The following RPTOR variants were observed in gnomAD, a reference collection of about 807,000 sequenced individuals.
RPTOR encodes the protein regulatory-associated protein of mTOR.
Under a neutral mutation model 169.9 loss-of-function variants are expected in RPTOR, and 21 were observed. The observed-to-expected ratio is 0.12, with a 90% confidence interval of 0.09 to 0.18. The LOEUF is 0.18. RPTOR is among the 10% of genes least tolerant of loss of function. The pLI is 1.00. For missense variants in RPTOR, 1,133 were observed against 1,855.9 expected (o/e 0.61, Z 7.16); for synonymous variants, 732 against 753.2 (o/e 0.97, Z 0.46).
At chr17:80,891,627 T>G in intron 17 of RPTOR, 93 bp from the exon 18 acceptor site, 2 of 870,878 alleles carry the variant, frequency 2.3e-6, no homozygotes, top group Non-Finnish European at 3.7e-6. Context: ...GTCTTAACCT[T>G]TCTTTTTTCT....
At chr17:80,954,401 C>G (rs1431928525) in intron 28 of RPTOR, among the ~76,000 whole-genome samples, 1 of 151,756 alleles carries the variant, frequency 6.6e-6, no homozygotes, top group Non-Finnish European at 1.5e-5. Flanking sequence ...GGATTACAGG[C>G]GTGAGCCACT....
intron 6 of RPTOR, 28 bp from the exon 7 acceptor site, chr17:80,791,422 C>A (rs1441431040): frequency 1.2e-6 from 2 of 1,608,384 alleles, no homozygotes; most frequent in East Asian, 4.5e-5. Flanking sequence ...TCCATTCATG[C>A]CGTTCACATT....
chr17:80,615,688 A>G (rs1215291810), intron 1 of RPTOR, among the ~76,000 whole-genome samples: 1 of 151,070 alleles, frequency 6.6e-6, no homozygotes, highest in African/African-American at 2.4e-5. Context: ...GTCCCATTCC[A>G]CTCTTGCCAC....
intron 1 of RPTOR, among the ~76,000 whole-genome samples, chr17:80,613,954 C>T (rs2065290495): frequency 1.3e-5 from 2 of 152,250 alleles, no homozygotes; most frequent in East Asian, 1.9e-4. Context: ...TGGATTCCTG[C>T]CCCAGATCTT....
intron 1 of RPTOR, among the ~76,000 whole-genome samples, chr17:80,596,906 G>A (rs1392089177): frequency 6.6e-6 from 1 of 152,178 alleles, no homozygotes; most frequent in Non-Finnish European, 1.5e-5. Context: ...TTTAGCAGCT[G>A]TTTTTAAGGC....
chr17:80,930,174 CCCAGCTCATCCCCAGCTCATG>C, intron 24 of RPTOR, among the ~76,000 whole-genome samples: 3 of 137,600 alleles, frequency 2.2e-5, no homozygotes, highest in Non-Finnish European at 4.8e-5. Context: ...CCAGCTCATG[CCCAGCTCATCCCCAGCTCATG>C]CCCAGCTCAT....
chr17:80,881,910 G>T (rs2068190162), intron 14 of RPTOR, among the ~76,000 whole-genome samples: 1 of 152,146 alleles, frequency 6.6e-6, no homozygotes, highest in African/African-American at 2.4e-5. Flanking sequence ...CCATTGTTTT[G>T]TTTCTTCAGT....
intron 3 of RPTOR, among the ~76,000 whole-genome samples, chr17:80,684,590 G>A (rs2065922727): frequency 6.6e-6 from 1 of 151,776 alleles, no homozygotes; most frequent in Non-Finnish European, 1.5e-5. Context: ...GACTACAGAC[G>A]CCCACCACCA....
chr17:80,709,916 C>T (rs1434335530), intron 4 of RPTOR, among the ~76,000 whole-genome samples: 1 of 151,882 alleles, frequency 6.6e-6, no homozygotes, highest in African/African-American at 2.4e-5. Flanking sequence ...TTGTGTCTCT[C>T]TTCTCAGAAT....
intron 9 of RPTOR, among the ~76,000 whole-genome samples, chr17:80,829,608 C>A (rs62070470): frequency 0.036 from 5,516 of 152,258 alleles, 145 homozygotes; most frequent in East Asian, 0.069. Flanking sequence ...GTGAAGCCCT[C>A]GGTGCCTCGG....
Position 80,957,575 on chromosome 17 carries a change from C to A in RPTOR, c.3371-49C>A, listed in dbSNP as rs916043266. On this transcript the variant is annotated intron_variant, in intron 28 of 33. Transcript: ENST00000306801. This position sits in a 1 kb window ranked among gnomAD's most constrained non-coding sequence, Gnocchi z 4.6. ...CCCAGAGCAGGCCCCAAAGCCTGCC[C>A]AAGGCAAGGGCCCATGGGGTGATGC... is the stretch of plus-strand genomic sequence containing the variant. The A allele has an allele frequency of 5.7e-6, 9 of 1,575,656 alleles. No homozygotes were observed. The African/African-American group carries it at 1.1e-4, about 19-fold the overall frequency.
intron 4 of RPTOR, among the ~76,000 whole-genome samples, chr17:80,727,284 C>T (rs900935255): frequency 6.0e-5 from 9 of 151,188 alleles, no homozygotes; most frequent in Admixed American, 4.6e-4. Context: ...AGAACGTGGA[C>T]GCTGCACCTC....
chr17:80,554,742 TCAAAACAAAA>T (rs147306840), intron 1 of RPTOR, among the ~76,000 whole-genome samples: 11,287 of 143,728 alleles, frequency 0.079, 1,334 homozygotes, highest in African/African-American at 0.26. Flanking sequence ...AGACTCTGTC[TCAAAACAAAA>T]CAAAACAAAA....
intron 7 of RPTOR, among the ~76,000 whole-genome samples, chr17:80,797,294 G>A (rs777124608): frequency 2.0e-5 from 3 of 152,106 alleles, no homozygotes; most frequent in Non-Finnish European, 4.4e-5. Flanking sequence ...CATCATGCCT[G>A]GCTAATTTTT....
chr17:80,794,544 G>A (rs1392495351), intron 7 of RPTOR, among the ~76,000 whole-genome samples: 2 of 152,144 alleles, frequency 1.3e-5, no homozygotes, highest in Admixed American at 6.5e-5. Context: ...ACATGTCCCC[G>A]CATTCCTACT....
At chr17:80,655,294 C>T (rs1024854257) in intron 3 of RPTOR, among the ~76,000 whole-genome samples, 2 of 152,224 alleles carry the variant, frequency 1.3e-5, no homozygotes, top group African/African-American at 4.8e-5. Context: ...CTATGTTGGC[C>T]AGGCTGGCCT....
chr17:80,784,330 T>G (rs1292133837), intron 6 of RPTOR, among the ~76,000 whole-genome samples: 1 of 152,024 alleles, frequency 6.6e-6, no homozygotes, highest in African/African-American at 2.4e-5. Flanking sequence ...GTTCTTTGGG[T>G]TTTTTTTAAC....
chr17:80,947,895 T>G lies in RPTOR; in HGVS notation c.3265+544T>G, dbSNP rs935248705. ...TAGTGGGTCTCACTCAGGTTTTGGTTTTCTTGGGTTTTCGGGGGGTTTTTT... is the reference window on the plus strand; with the variant it reads ...TAGTGGGTCTCACTCAGGTTTTGGTGTTCTTGGGTTTTCGGGGGGTTTTTT... On this transcript the variant is annotated intron_variant, in intron 27 of 33. Transcript: ENST00000306801. The surrounding 1 kb of genome is among the most constrained non-coding windows in gnomAD (Gnocchi z 4.4). 6.6e-6 allele frequency among the ~76,000 whole-genome samples: 1 copy of G among 152,184 alleles called. No homozygotes were observed. Among genetic ancestry groups the G allele is most frequent in the African/African-American group, 2.4e-5 (1 of 41,444 alleles).
Position 80,740,994 on chromosome 17 carries a change from G to A in RPTOR, c.654+10288G>A, listed in dbSNP as rs942835582. Among the ~76,000 whole-genome samples the A allele has an allele frequency of 7.9e-5, 12 of 152,346 alleles. No homozygotes were observed. In the South Asian group the frequency reaches 8.3e-4, roughly 11 times the overall value. ...AAACTACAGTGAGGTGCTACCTCGC[G>A]CCACTAGGGTGGCAGCAATAAAACA... is the stretch of plus-strand genomic sequence containing the variant. On this transcript the variant is annotated intron_variant, in intron 5 of 33. Transcript: ENST00000306801.
Sources: allele counts gnomAD v4.1 joint callset (sites outside exome capture counted in the v4.1 genomes callset), GRCh38; gene constraint gnomAD v4.1.1; non-coding constraint Gnocchi (gnomAD v3.1); transcripts MANE v1.5; gene names NCBI Gene and HGNC (gene_info 2026-07-23, HGNC 2026-07-21).